ATG4B: variants seen among roughly 807,000 people sequenced by gnomAD.
The protein encoded by ATG4B is cysteine protease ATG4B.
In ATG4B, 29 loss-of-function variants were observed where a neutral mutation model predicts 56.6. That is an observed-to-expected ratio of 0.51 (90% CI 0.38 to 0.70). The LOEUF is 0.70. Ranked by LOEUF, ATG4B falls within the 30% of genes least tolerant of loss-of-function variation. The pLI, the probability that ATG4B is intolerant of heterozygous loss-of-function variation, is 0.00. For synonymous variants in ATG4B, 224 were observed against 206.1 expected, an observed-to-expected ratio of 1.09 and a Z score of -0.74; for missense variants, 461 against 515.5, an observed-to-expected ratio of 0.89 and a Z score of 1.02.
At chr2:241,655,145 T>G (rs764899718) in intron 5 of ATG4B, 126 bp from the exon 6 acceptor site, 81 of 879,988 alleles carry the variant, frequency 9.2e-5, no homozygotes, top group Non-Finnish European at 1.3e-4. Flanking sequence ...TGGGGCATCC[T>G]TCCGTCTGGA....
chr2:241,640,722 A>G (rs2067856874), intron 1 of ATG4B, among the ~76,000 whole-genome samples: 1 of 152,178 alleles, frequency 6.6e-6, no homozygotes, highest in Non-Finnish European at 1.5e-5. Flanking sequence ...TTAAGTTTTG[A>G]CGAAGACTTA....
chr2:241,641,482 G>A (rs573814919), intron 1 of ATG4B, among the ~76,000 whole-genome samples: 18 of 151,902 alleles, frequency 1.2e-4, no homozygotes, highest in South Asian at 2.1e-4. Flanking sequence ...CCCGGGAGGC[G>A]GAGCTTGCAG....
intron 7 of ATG4B, among the ~76,000 whole-genome samples, chr2:241,663,219 TA>T (rs1440053067): frequency 6.6e-6 from 1 of 152,100 alleles, no homozygotes; most frequent in Non-Finnish European, 1.5e-5. Context: ...TGTGACACAG[TA>T]AGACTGTGTC....
intron 7 of ATG4B, 102 bp from the exon 8 acceptor site, chr2:241,666,543 G>T: frequency 1.6e-6 from 2 of 1,254,458 alleles, no homozygotes; most frequent in South Asian, 2.6e-5. Context: ...ACCTGGCTTT[G>T]TACCGCCCTT....
intron 11 of ATG4B, 30 bp downstream of exon 11, chr2:241,670,812 G>C: frequency 6.3e-7 from 1 of 1,592,442 alleles, no homozygotes; most frequent in Admixed American, 1.8e-5. Flanking sequence ...CCACAGCCGA[G>C]CTGAGCCACC....
At chr2:241,649,088 G>C (rs192361808) in intron 1 of ATG4B, among the ~76,000 whole-genome samples, 8 of 152,314 alleles carry the variant, frequency 5.3e-5, no homozygotes, top group African/African-American at 1.9e-4. Flanking sequence ...TTCACACTTA[G>C]AAGTTAAGTG....
rs2068833135 is a variant in ATG4B at position 241,668,024 on chromosome 2, T to C, written c.733-119T>C. The C allele has an allele frequency of 3.3e-6, 3 of 906,372 alleles. No individual in the cohort carries two copies. Among genetic ancestry groups the C allele is most frequent in the Non-Finnish European group, 5.0e-6 (3 of 597,690 alleles). The allele number at this position is 906,372 out of a possible 1,614,324, so 56.1% of individuals were successfully genotyped here. ...AGCTCTTTGGTACCATGTCCCCTCC[T>C]GTCCCCTCTTGTGTCACCCAGTTGG... On this transcript the variant is annotated intron_variant, in intron 8 of 12. Transcript: ENST00000404914. The surrounding 1 kb of genome is among the most constrained non-coding windows in gnomAD (Gnocchi z 4.2).
intron 1 of ATG4B, among the ~76,000 whole-genome samples, chr2:241,650,400 G>T (rs1006714901): frequency 1.3e-5 from 2 of 152,100 alleles, no homozygotes; most frequent in Non-Finnish European, 2.9e-5. Flanking sequence ...GGAAATTGGG[G>T]TAGACCAGAA....
chr2:241,643,263 G>A (rs1008669323), intron 1 of ATG4B, among the ~76,000 whole-genome samples: 1 of 151,650 alleles, frequency 6.6e-6, no homozygotes, highest in Admixed American at 6.6e-5. Flanking sequence ...GGAGTATGGT[G>A]TTGCGGCCTC....
chr2:241,669,954 G>C (rs1204853660), intron 10 of ATG4B, among the ~76,000 whole-genome samples: 2 of 152,214 alleles, frequency 1.3e-5, no homozygotes, highest in African/African-American at 4.8e-5. Flanking sequence ...ACCGCAGACA[G>C]AGGAGTGGAC....
At chr2:241,652,394 C>CTGGTT (rs1308155670) in intron 3 of ATG4B, among the ~76,000 whole-genome samples, 1 of 152,212 alleles carries the variant, frequency 6.6e-6, no homozygotes, top group African/African-American at 2.4e-5. Context: ...CGAAGCCTTT[C>CTGGTT]TGGTTTGGCA....
At position 241,656,084 on chromosome 2, in the gene ATG4B, C is replaced by T. The variant is rs148451558; in HGVS notation, c.458+741C>T. The stretch of plus-strand genomic sequence containing the variant: ...GGCCAGCGTCTCCCCAGCCTGTCTT[C>T]AGCCACGGCCCCCTTGAAGCCTCTC... On this transcript the variant is annotated intron_variant, in intron 6 of 12. Coordinates refer to ENST00000404914, the MANE Select transcript of ATG4B (RefSeq NM_013325.5). Among the ~76,000 whole-genome samples the T allele has an allele frequency of 1.1e-3, 173 of 152,172 alleles. 1 individual carries two copies. Among genetic ancestry groups the T allele is most frequent in the African/African-American group, 3.7e-3 (155 of 41,504 alleles).
At chr2:241,641,556 A>C (rs1211029976) in intron 1 of ATG4B, among the ~76,000 whole-genome samples, 2 of 151,942 alleles carry the variant, frequency 1.3e-5, no homozygotes, top group Non-Finnish European at 2.9e-5. Context: ...TCTCAAAAAA[A>C]AAAAAAAAAA....
At chr2:241,648,072 C>G (rs1308930674) in intron 1 of ATG4B, among the ~76,000 whole-genome samples, 2 of 152,054 alleles carry the variant, frequency 1.3e-5, no homozygotes, top group South Asian at 4.1e-4. Context: ...CAAGATCATG[C>G]CACTGCACTT....
intron 10 of ATG4B, among the ~76,000 whole-genome samples, chr2:241,669,944 A>G (rs949601423): frequency 1.3e-5 from 2 of 152,182 alleles, no homozygotes; most frequent in African/African-American, 2.4e-5. Context: ...AGAGCCAGCC[A>G]CCGCAGACAG....
rs780892379 is a variant in ATG4B at position 241,668,757 on chromosome 2, C to G, written c.957+72C>G. 4 of 1,499,510 alleles carry G rather than the reference C, an allele frequency of 2.7e-6. No homozygotes were observed. The highest frequency in any genetic ancestry group is 1.8e-6 in the Non-Finnish European group (2 of 1,133,600). 92.9% of individuals were successfully genotyped at this position (1,499,510 alleles called of 1,614,324 possible). A position where few individuals can be genotyped will look rare whatever the true frequency, so the allele number is the denominator to read the frequency against. On this transcript the variant is annotated intron_variant, in intron 10 of 12. Transcript: ENST00000404914. The surrounding 1 kb of genome is among the most constrained non-coding windows in gnomAD (Gnocchi z 4.2). ...GTTTGGGAATGACGAGGAAAACTTT[C>G]GGATTTTTGCGTTTTTTTTTTCAGC... is the stretch of plus-strand genomic sequence containing the variant.
rs113542762 is a variant in ATG4B, at chr2:241,654,571, G to A, written c.309G>A (p.Arg103=). The A allele has an allele frequency of 1.5e-3, 2,478 of 1,600,006 alleles. 44 individuals carry two copies. In the African/African-American group the frequency reaches 0.03, roughly 19 times the overall value. ...GRDWRWTQRK[R]QPDSYFSVLN... ...ATTGGAGGTGGACACAAAGGAAGAG[G>A]CAGCCAGACAGCTACTTCAGCGTCC... is the stretch of plus-strand genomic sequence containing the variant. Residue 103 remains arginine, a synonymous_variant, in exon 5 of 13, where the codon AGG becomes AGA. Transcript: ENST00000404914.
At chr2:241,656,769 C>T (rs1011972502) in intron 6 of ATG4B, among the ~76,000 whole-genome samples, 1 of 152,254 alleles carries the variant, frequency 6.6e-6, no homozygotes, top group South Asian at 2.1e-4. Flanking sequence ...CAGCCTGCTT[C>T]TCCTACAGTG....
At position 241,637,740 on chromosome 2, in the gene ATG4B, G is replaced by A. The variant is rs1490580887; in HGVS notation, c.10+16G>A. 6.4e-7 allele frequency: 1 copy of A among 1,572,714 alleles called. No homozygotes were observed. On this transcript the variant is annotated intron_variant, in intron 1 of 12. Coordinates refer to ENST00000404914, the MANE Select transcript of ATG4B (RefSeq NM_013325.5). ...ATGGACGCAGGTGAGGAGTTGCCGGGGGTCGGTCTTTCCGCAGGAGGTGCT... is the reference window on the plus strand; with the variant it reads ...ATGGACGCAGGTGAGGAGTTGCCGGAGGTCGGTCTTTCCGCAGGAGGTGCT...
Sources: gnomAD v4.1 joint callset for allele counts (sites outside exome capture counted in the v4.1 genomes callset) on GRCh38, gnomAD v4.1.1 for gene constraint, Gnocchi (gnomAD v3.1) non-coding constraint, MANE v1.5 for transcripts, NCBI Gene and HGNC (gene_info 2026-07-23, HGNC 2026-07-21) for gene names.